METAP1D: variants seen among roughly 807,000 people sequenced by gnomAD.
The protein encoded by METAP1D is methionyl aminopeptidase type 1D, mitochondrial.
Under a neutral mutation model 40.5 loss-of-function variants are expected in METAP1D, and 31 were observed. That is an observed-to-expected ratio of 0.77 (90% CI 0.58 to 1.03). METAP1D has a LOEUF of 1.03. METAP1D is among the 50% of genes least tolerant of loss of function. The probability of loss-of-function intolerance (pLI) is 0.00; values close to 1 mark genes in which losing one functional copy is unlikely to be tolerated. For missense variants in METAP1D, 411 were observed against 420.7 expected (o/e 0.98, Z 0.20); for synonymous variants, 151 against 146.4 (o/e 1.03, Z -0.22).
chr2:172,034,520 A>G (rs1156413512), intron 1 of METAP1D, among the ~76,000 whole-genome samples: 1 of 150,918 alleles, frequency 6.6e-6, no homozygotes, highest in African/African-American at 2.4e-5. Flanking sequence ...GCCAAACTTA[A>G]TAATATGTAT....
Position 172,075,685 on chromosome 2 carries a change from A to G in METAP1D, c.705-2112A>G, listed in dbSNP as rs559750585. On this transcript the variant is annotated intron_variant, in intron 6 of 9. Transcript: ENST00000315796. ...AAGGGAATGCTTTTAAACAGTAATTAGGAATATTAATGAGATCCTATCTGA... is the reference window on the plus strand; with the variant it reads ...AAGGGAATGCTTTTAAACAGTAATTGGGAATATTAATGAGATCCTATCTGA... 2.6e-5 allele frequency among the ~76,000 whole-genome samples: 4 copies of G among 152,368 alleles called. No homozygotes were observed. The South Asian group carries it at 6.2e-4, about 24-fold the overall frequency.
rs201553438 is a variant in METAP1D at position 172,046,047 on chromosome 2, TA to T, written c.41-15450del. On this transcript the variant is annotated intron_variant, in intron 1 of 9. Coordinates refer to ENST00000315796, the MANE Select transcript of METAP1D (RefSeq NM_199227.3). ...TCAAAGATTGCCATGTAATGCTTTTTATTTTTTTTAATTACACTTTGGTATC... is the reference window on the plus strand; with the variant it reads ...TCAAAGATTGCCATGTAATGCTTTTTTTTTTTTTAATTACACTTTGGTATC... 4.7e-3 allele frequency among the ~76,000 whole-genome samples: 672 copies of T among 142,306 alleles called. 7 individuals are homozygous for T. Among genetic ancestry groups the T allele is most frequent in the Middle Eastern group, 7.1e-3 (2 of 280 alleles). 93.4% of individuals were successfully genotyped at this position (142,306 alleles called of 152,430 possible).
intron 1 of METAP1D, among the ~76,000 whole-genome samples, chr2:172,041,768 T>G: frequency 2.0e-5 from 1 of 49,358 alleles, no homozygotes; most frequent in African/African-American, 6.1e-5. Context: ...ATATATATAT[T>G]TCATCCCCCA....
intron 1 of METAP1D, among the ~76,000 whole-genome samples, chr2:172,023,853 A>G (rs1482531748): frequency 7.9e-6 from 1 of 126,322 alleles, no homozygotes; most frequent in East Asian, 2.0e-4. Context: ...TTCACTGTAA[A>G]ATTCTTTTTT....
intron 3 of METAP1D, 92 bp from the exon 4 acceptor site, chr2:172,065,512 C>G (rs1690251897): frequency 8.1e-7 from 1 of 1,227,846 alleles, no homozygotes; most frequent in Non-Finnish European, 1.2e-6. Flanking sequence ...TTTATACAGT[C>G]TCACATGGAA....
chr2:172,018,126 CAAAAAAAAA>C (rs34937813), intron 1 of METAP1D, among the ~76,000 whole-genome samples: 1 of 76,696 alleles, frequency 1.3e-5, no homozygotes, highest in South Asian at 5.2e-4. Flanking sequence ...GACTCTGTCT[CAAAAAAAAA>C]AAAAAAAAAA....
At chr2:172,011,877 G>C (rs1330548141) in intron 1 of METAP1D, among the ~76,000 whole-genome samples, 2 of 152,152 alleles carry the variant, frequency 1.3e-5, no homozygotes, top group Non-Finnish European at 2.9e-5. Context: ...CATATATTTT[G>C]TTTTGGTTTT....
At chr2:172,001,170 TACTGCATGACGTGGTC>T (rs1688452659) in intron 1 of METAP1D, among the ~76,000 whole-genome samples, 1 of 152,112 alleles carries the variant, frequency 6.6e-6, no homozygotes, top group Admixed American at 6.6e-5. Context: ...CATTTCTCGG[TACTGCATGACGTGGTC>T]ACTCCATAGA....
intron 1 of METAP1D, among the ~76,000 whole-genome samples, chr2:172,057,408 G>A (rs1267438921): frequency 6.6e-6 from 1 of 152,074 alleles, no homozygotes; most frequent in Non-Finnish European, 1.5e-5. Context: ...TTAGGGAGGT[G>A]GAATCATAGA....
intron 5 of METAP1D, among the ~76,000 whole-genome samples, chr2:172,068,833 C>A (rs1020275994): frequency 2.0e-5 from 3 of 150,692 alleles, no homozygotes; most frequent in African/African-American, 7.3e-5. Flanking sequence ...TTTTGATATT[C>A]CTTCCTTCCT....
chr2:172,028,281 G>A (rs1201121180), intron 1 of METAP1D, among the ~76,000 whole-genome samples: 2 of 152,170 alleles, frequency 1.3e-5, no homozygotes, highest in African/African-American at 4.8e-5. Context: ...CAAATGCAGA[G>A]CCCAGAAAGG....
chr2:172,079,200 T>C lies in METAP1D; in HGVS notation c.803-15T>C. On this transcript the variant is annotated splice_polypyrimidine_tract_variant and intron_variant, in intron 7 of 9. Coordinates refer to ENST00000315796, the MANE Select transcript of METAP1D (RefSeq NM_199227.3). ...CCATTTCCTATTCTCACCCCCCATG[T>C]TTTTTGTTTTGCAGCAAACGACAGT... 1.9e-6 allele frequency: 3 copies of C among 1,613,610 alleles called. No homozygotes were observed. The highest frequency in any genetic ancestry group is 2.2e-5 in the East Asian group (1 of 44,880).
chr2:172,023,390 T>C (rs993011297), intron 1 of METAP1D, among the ~76,000 whole-genome samples: 9 of 152,210 alleles, frequency 5.9e-5, no homozygotes, highest in African/African-American at 2.2e-4. Flanking sequence ...GTTACCCCAC[T>C]TGAGGATTGT....
At chr2:172,035,080 C>T (rs2105421722) in intron 1 of METAP1D, among the ~76,000 whole-genome samples, 1 of 149,984 alleles carries the variant, frequency 6.7e-6, no homozygotes, top group Non-Finnish European at 1.5e-5. Flanking sequence ...TAGAGAGAAA[C>T]GTGTAAAAGA....
In METAP1D at chr2:172,080,506, G is replaced by T. The variant is rs1187695755; in HGVS notation, c.*100G>T. 2.4e-6 allele frequency: 3 copies of T among 1,252,850 alleles called. No homozygotes were observed. Among genetic ancestry groups the T allele is most frequent in the East Asian group, 2.4e-5 (1 of 41,834 alleles). The allele number at this position is 1,252,850 out of a possible 1,614,324, so 77.6% of individuals were successfully genotyped here. ...AAGAAACAGGGAAATGACCGGTGGT[G>T]CGGTAACCTGCGTGGCTCCTGATAG... On this transcript the variant is annotated 3_prime_UTR_variant, in exon 10 of 10. Transcript: ENST00000315796.
Position 172,061,541 on chromosome 2 carries a change from A to G in METAP1D, c.84A>G (p.Leu28=). 1 of 1,613,854 alleles carries G rather than the reference A, an allele frequency of 6.2e-7. No individual in the cohort carries two copies. Among genetic ancestry groups the G allele is most frequent in the Non-Finnish European group, 8.5e-7 (1 of 1,179,884 alleles). The change falls in exon 2 of 10, where the codon TTA becomes TTG. Residue 28 remains leucine, a synonymous_variant. Transcript: ENST00000315796. ...IFSSPLNHIY[L]HKQSSSQQRR... is the part of the protein sequence containing the mutation. ...CTTCACCACTCAATCATATCTACTTACACAAGCAGTCAAGCAGTCAACAAA... is the reference window on the plus strand; with the variant it reads ...CTTCACCACTCAATCATATCTACTTGCACAAGCAGTCAAGCAGTCAACAAA...
At chr2:172,061,354 G>T in intron 1 of METAP1D, 144 bp from the exon 2 acceptor site, 1 of 649,798 alleles carries the variant, frequency 1.5e-6, no homozygotes. Context: ...GAATACCACT[G>T]TTTTCATTTC....
chr2:172,059,830 T>C lies in METAP1D; in HGVS notation c.41-1668T>C, dbSNP rs143747318. On this transcript the variant is annotated intron_variant, in intron 1 of 9. Coordinates refer to ENST00000315796, the MANE Select transcript of METAP1D (RefSeq NM_199227.3). ...CTTTGGGAGACCAAGGCGGGCAGAT[T>C]ACGAGGTCAGGAGATTGAGACCAGC... Among the ~76,000 whole-genome samples the C allele has an allele frequency of 0.037, 5,625 of 152,148 alleles. 597 individuals carry two copies. In the East Asian group the frequency reaches 0.44, roughly 12 times the overall value.
intron 1 of METAP1D, among the ~76,000 whole-genome samples, chr2:172,051,352 T>C (rs1363453463): frequency 6.6e-6 from 1 of 152,156 alleles, no homozygotes; most frequent in African/African-American, 2.4e-5. Flanking sequence ...TGAGGTGTTT[T>C]AGTTTCCCAA....
Sources: gnomAD v4.1 joint callset for allele counts (sites outside exome capture counted in the v4.1 genomes callset) on GRCh38, gnomAD v4.1.1 for gene constraint, MANE v1.5 for transcripts, NCBI Gene and HGNC (gene_info 2026-07-23, HGNC 2026-07-21) for gene names.